TNFRSF21: variants seen among roughly 807,000 people sequenced by gnomAD.
The protein encoded by TNFRSF21 is tumor necrosis factor receptor superfamily member 21.
Under a neutral mutation model 45.6 loss-of-function variants are expected in TNFRSF21, and 19 were observed. The ratio of observed to expected loss-of-function variants is 0.42; its 90% CI spans 0.29 to 0.61. The LOEUF is 0.61. Among genes scored for constraint, TNFRSF21 ranks in the 20% least tolerant of loss-of-function variants. The pLI, the probability that TNFRSF21 is intolerant of heterozygous loss-of-function variation, is 0.23. For synonymous variants in TNFRSF21, 314 were observed against 335.5 expected (o/e 0.94, Z 0.70); for missense variants, 737 against 851.5 (o/e 0.87, Z 1.67).
At chr6:47,242,214 G>A (rs1764754365) in intron 4 of TNFRSF21, among the ~76,000 whole-genome samples, 1 of 151,968 alleles carries the variant, frequency 6.6e-6, no homozygotes. Flanking sequence ...AAAACCACTG[G>A]GGAATTATTT....
At chr6:47,293,303 A>C (rs2113867483) in intron 1 of TNFRSF21, among the ~76,000 whole-genome samples, 2 of 152,332 alleles carry the variant, frequency 1.3e-5, no homozygotes, top group South Asian at 4.1e-4. Flanking sequence ...AATAAGAAGC[A>C]AAGCATTCTC....
intron 4 of TNFRSF21, among the ~76,000 whole-genome samples, chr6:47,238,362 T>C (rs1357645339): frequency 6.6e-6 from 1 of 152,262 alleles, no homozygotes; most frequent in African/African-American, 2.4e-5. Context: ...TGTCACTTAT[T>C]TGAAGCTCCT....
At chr6:47,256,845 G>A (rs551635388) in intron 3 of TNFRSF21, among the ~76,000 whole-genome samples, 2 of 152,294 alleles carry the variant, frequency 1.3e-5, no homozygotes, top group African/African-American at 2.4e-5. Flanking sequence ...AAGGTCCACA[G>A]TGTCTTACAT....
chr6:47,233,198 A>T (rs916717747), intron 5 of TNFRSF21, among the ~76,000 whole-genome samples: 2 of 152,176 alleles, frequency 1.3e-5, no homozygotes, highest in Non-Finnish European at 2.9e-5. Context: ...TGCACGTGTA[A>T]GATAGCAAAC....
rs185265299 is a variant in TNFRSF21 at position 47,234,013 on chromosome 6, C to A, written c.1738+657G>T. On this transcript the variant is annotated intron_variant, in intron 5 of 5. Coordinates refer to ENST00000296861, the MANE Select transcript of TNFRSF21 (RefSeq NM_014452.5). ...ACCTGTAGTTTTCTTTTTTTTGGGA[C>A]AAAGTTTTGCTCTTGTCACCCAGTC... Among the ~76,000 whole-genome samples, 689 of 152,080 alleles carry A rather than the reference C, an allele frequency of 4.5e-3. 3 individuals carry two copies. The highest frequency in any genetic ancestry group is 7.9e-3 in the Non-Finnish European group (537 of 67,974).
chr6:47,234,845 G>C lies in TNFRSF21; in HGVS notation c.1563C>G (p.Ser521Arg). 6.6e-7 allele frequency: 1 copy of C among 1,512,178 alleles called. No homozygotes were observed. The highest frequency in any genetic ancestry group is 8.8e-7 in the Non-Finnish European group (1 of 1,133,980). 93.7% of individuals were successfully genotyped at this position (1,512,178 alleles called of 1,614,324 possible). Residue 521 changes from serine (S) to arginine (R), a missense_variant, in exon 5 of 6, where the codon AGC becomes AGG. By Grantham distance (110) the Ser-to-Arg change is moderately radical. Transcript: ENST00000296861. ...GTTTCGCGTTGGGGCTGGGGATGGG[G>C]CTCGGGCTAAGCGGGCTGGGGCTCA... Reference protein sequence around the residue: ...LPMSPSPLSPSPIPSPNAKLE... With the variant: ...LPMSPSPLSPRPIPSPNAKLE...
At chr6:47,279,614 T>C (rs986456327) in intron 3 of TNFRSF21, among the ~76,000 whole-genome samples, 1 of 152,216 alleles carries the variant, frequency 6.6e-6, no homozygotes. Context: ...TTTAATTAAA[T>C]TGAAATTTTT....
intron 3 of TNFRSF21, among the ~76,000 whole-genome samples, chr6:47,254,578 A>C (rs1476397806): frequency 6.6e-6 from 1 of 152,222 alleles, no homozygotes; most frequent in Non-Finnish European, 1.5e-5. Context: ...CTTTACCCAG[A>C]ACTGTCTAGG....
intron 1 of TNFRSF21, among the ~76,000 whole-genome samples, chr6:47,289,504 A>G (rs1438274191): frequency 6.6e-6 from 1 of 152,186 alleles, no homozygotes; most frequent in Non-Finnish European, 1.5e-5. Flanking sequence ...TTTGTTAAGA[A>G]ACTTAACCTC....
intron 4 of TNFRSF21, among the ~76,000 whole-genome samples, chr6:47,250,716 G>A (rs1033160567): frequency 2.0e-5 from 3 of 152,230 alleles, no homozygotes; most frequent in South Asian, 4.1e-4. Flanking sequence ...GCCCATCACA[G>A]GATGAGAATA....
At chr6:47,282,864 T>G (rs1456649860) in intron 3 of TNFRSF21, among the ~76,000 whole-genome samples, 1 of 152,218 alleles carries the variant, frequency 6.6e-6, no homozygotes, top group Non-Finnish European at 1.5e-5. Context: ...ATTTACTTAG[T>G]TTTTCCCTAA....
chr6:47,235,701 C>T (rs1353046722), intron 4 of TNFRSF21, among the ~76,000 whole-genome samples: 1 of 152,136 alleles, frequency 6.6e-6, no homozygotes, highest in African/African-American at 2.4e-5. Flanking sequence ...TAAAACTAGA[C>T]CCCAGGTTTT....
intron 4 of TNFRSF21, among the ~76,000 whole-genome samples, chr6:47,249,846 A>G (rs1366806316): frequency 6.6e-6 from 1 of 152,202 alleles, no homozygotes; most frequent in African/African-American, 2.4e-5. Flanking sequence ...TTAAAAGTGA[A>G]GTAAAAAATG....
intron 4 of TNFRSF21, among the ~76,000 whole-genome samples, chr6:47,239,320 A>G (rs1338896710): frequency 1.3e-5 from 2 of 150,576 alleles, no homozygotes; most frequent in South Asian, 4.2e-4. Context: ...AGGAAACTGA[A>G]GCCCAAAAAT....
intron 3 of TNFRSF21, among the ~76,000 whole-genome samples, chr6:47,279,457 AC>A (rs1480090678): frequency 6.6e-6 from 1 of 152,182 alleles, no homozygotes; most frequent in African/African-American, 2.4e-5. Flanking sequence ...ATCATTGGTG[AC>A]TTTTCTCAGT....
intron 1 of TNFRSF21, among the ~76,000 whole-genome samples, chr6:47,307,881 A>T (rs1271124525): frequency 6.6e-6 from 1 of 152,216 alleles, no homozygotes; most frequent in African/African-American, 2.4e-5. Flanking sequence ...GAAACATAGT[A>T]GTGGATAGTA....
chr6:47,282,008 C>T (rs1433065475), intron 3 of TNFRSF21, among the ~76,000 whole-genome samples: 1 of 152,036 alleles, frequency 6.6e-6, no homozygotes, highest in Non-Finnish European at 1.5e-5. Flanking sequence ...GGTGTCCAAT[C>T]TTTTGGCTTC....
chr6:47,282,741 T>C (rs1218156650), intron 3 of TNFRSF21, among the ~76,000 whole-genome samples: 1 of 152,214 alleles, frequency 6.6e-6, no homozygotes, highest in Non-Finnish European at 1.5e-5. Flanking sequence ...AAGTATGTAG[T>C]TTGGTGTTTG....
chr6:47,300,276 C>T (rs905582259), intron 1 of TNFRSF21, among the ~76,000 whole-genome samples: 20 of 152,224 alleles, frequency 1.3e-4, no homozygotes, highest in Admixed American at 8.5e-4. Context: ...CCACCATAGA[C>T]TGCTCAATGT....
Sources: allele counts gnomAD v4.1 joint callset (sites outside exome capture counted in the v4.1 genomes callset), GRCh38; gene constraint gnomAD v4.1.1; transcripts MANE v1.5; gene names NCBI Gene and HGNC (gene_info 2026-07-23, HGNC 2026-07-21).